The following RGS21 variants were observed in gnomAD, a reference collection of about 807,000 sequenced individuals.
RGS21 encodes the protein regulator of G-protein signalling 21.
In RGS21, 19 loss-of-function variants were observed where a neutral mutation model predicts 18.7. The ratio of observed to expected loss-of-function variants is 1.01; its 90% CI spans 0.71 to 1.49. The LOEUF is 1.49. Among genes scored for constraint, RGS21 ranks in the 40% most tolerant of loss-of-function variants. The pLI, the probability that RGS21 is intolerant of heterozygous loss-of-function variation, is 0.00. For missense variants in RGS21, 194 were observed against 176.8 expected, an observed-to-expected ratio of 1.10 and a Z score of -0.55; for synonymous variants, 56 against 57.8, an observed-to-expected ratio of 0.97 and a Z score of 0.14.
intron 4 of RGS21, among the ~76,000 whole-genome samples, chr1:192,360,351 T>G (rs553223784): frequency 6.6e-6 from 1 of 152,140 alleles, no homozygotes; most frequent in Admixed American, 6.6e-5. Context: ...TCTCTTTCTT[T>G]AGACTATTTC....
chr1:192,331,408 G>A (rs1042798920), intron 1 of RGS21, among the ~76,000 whole-genome samples: 12 of 151,890 alleles, frequency 7.9e-5, no homozygotes, highest in African/African-American at 1.2e-4. Flanking sequence ...AAAAATTAGC[G>A]TGGTGGCAGG....
At chr1:192,324,350 C>T (rs149882498) in intron 1 of RGS21, among the ~76,000 whole-genome samples, 269 of 152,034 alleles carry the variant, frequency 1.8e-3, no homozygotes, top group African/African-American at 6.2e-3. Context: ...ATAATTTTTC[C>T]TTGTTTAGAT....
At position 192,352,095 on chromosome 1, in the gene RGS21, A is replaced by G; in HGVS notation, c.137A>G (p.Glu46Gly). Residue 46 changes from glutamate to glycine, a missense_variant, in exon 4 of 5, where the codon GAA (glutamate) becomes GGA (glycine). Physicochemically the swap from Glu to Gly is moderately conservative, Grantham distance 98 (BLOSUM62 -2). Transcript: ENST00000417209. ...RIFLKSEFSE[E>G]NVEFWLACED... ...TTTCTAAAATCAGAGTTTAGTGAAG[A>G]AAATGTTGAGTTCTGGCTTGCCTGT... The G allele has an allele frequency of 1.2e-6, 2 of 1,605,684 alleles. No individual in the cohort carries two copies. The highest frequency in any genetic ancestry group is 1.7e-6 in the Non-Finnish European group (2 of 1,177,100).
At position 192,366,737 on chromosome 1, in the gene RGS21, A is replaced by G. The variant is rs1214307523; in HGVS notation, c.*613A>G. 6.6e-6 allele frequency: 1 copy of G among 152,092 alleles called. No homozygotes were observed. Among genetic ancestry groups the G allele is most frequent in the Non-Finnish European group, 1.5e-5 (1 of 67,966 alleles). The allele number at this position is 152,092 out of a possible 1,614,324, so 9.4% of individuals were successfully genotyped here. On this transcript the variant is annotated 3_prime_UTR_variant, in exon 5 of 5. Coordinates refer to ENST00000417209, the MANE Select transcript of RGS21 (RefSeq NM_001039152.3). The stretch of plus-strand genomic sequence containing the variant: ...ATATCACTTGGCTCAATTCAATGGC[A>G]TCACATATAAAATGTGATGAGTTAT...
rs767214966 is a variant in RGS21 at position 192,354,196 on chromosome 1, T to G, written c.255+1983T>G. Among the ~76,000 whole-genome samples, 101 of 151,534 alleles carry G rather than the reference T, an allele frequency of 6.7e-4. 3 individuals are homozygous for G. The highest frequency in any genetic ancestry group is 3.3e-4 in the Admixed American group (5 of 15,134). On this transcript the variant is annotated intron_variant, in intron 4 of 4. Transcript: ENST00000417209. ...CTGTTCCCACAGTGAAATTACCGAG[T>G]GAAAGAAGAGACTGACACATAATAA...
intron 4 of RGS21, among the ~76,000 whole-genome samples, chr1:192,365,275 C>T (rs1350142907): frequency 6.6e-6 from 1 of 151,984 alleles, no homozygotes; most frequent in Non-Finnish European, 1.5e-5. Flanking sequence ...AGGTTTGGAG[C>T]ATTTTACATA....
chr1:192,352,052 C>T lies in RGS21; in HGVS notation c.94C>T (p.Leu32=), dbSNP rs761297303. The T allele has an allele frequency of 1.9e-6, 3 of 1,589,080 alleles. No homozygotes were observed. The highest frequency in any genetic ancestry group is 2.6e-6 in the Non-Finnish European group (3 of 1,168,236). The change falls in exon 4 of 5, where the codon CTA becomes TTA. Residue 32 remains leucine (L), a synonymous_variant. Coordinates refer to ENST00000417209, the MANE Select transcript of RGS21 (RefSeq NM_001039152.3). ...TTTTCTCATATATTTTATAGCTGGT[C>T]TAGATGCTTTTCGAATATTTCTAAA... The part of the protein sequence containing the change: ...MDTLLANQAG[L]DAFRIFLKSE...
At chr1:192,346,379 C>T (rs963893974) in intron 2 of RGS21, among the ~76,000 whole-genome samples, 9 of 152,084 alleles carry the variant, frequency 5.9e-5, no homozygotes, top group South Asian at 2.1e-4. Flanking sequence ...ATAAGAATTG[C>T]GATATATGAG....
intron 2 of RGS21, 123 bp downstream of exon 2, chr1:192,343,170 T>C (rs1658897334): frequency 1.0e-6 from 1 of 958,448 alleles, no homozygotes; most frequent in Non-Finnish European, 1.7e-6. Context: ...GTTGTCTTCC[T>C]GATTTTTTCT....
chr1:192,336,370 G>A (rs1376262512), intron 1 of RGS21, among the ~76,000 whole-genome samples: 2 of 152,128 alleles, frequency 1.3e-5, no homozygotes, highest in Non-Finnish European at 2.9e-5. Flanking sequence ...CCGGAGAATC[G>A]CTTGAACCAA....
intron 1 of RGS21, among the ~76,000 whole-genome samples, chr1:192,325,235 G>T (rs930224412): frequency 6.6e-6 from 1 of 151,962 alleles, no homozygotes; most frequent in African/African-American, 2.4e-5. Context: ...TTGGCTTTCC[G>T]TCTCTGAATT....
intron 1 of RGS21, 25 bp from the exon 2 acceptor site, chr1:192,342,952 G>C (rs1658893097): frequency 7.3e-7 from 1 of 1,365,918 alleles, no homozygotes; most frequent in Non-Finnish European, 1.0e-6. Flanking sequence ...TAATTGTAAT[G>C]TTCCTGCTGT....
intron 1 of RGS21, among the ~76,000 whole-genome samples, chr1:192,318,241 C>T (rs1658446866): frequency 6.6e-6 from 1 of 152,042 alleles, no homozygotes; most frequent in Admixed American, 6.6e-5. Flanking sequence ...TAAGGGGACA[C>T]TATAATTTTC....
chr1:192,325,045 T>C lies in RGS21; in HGVS notation c.-61+7940T>C, dbSNP rs921092333. 5.6e-4 allele frequency among the ~76,000 whole-genome samples: 85 copies of C among 152,090 alleles called. 1 individual carries two copies. The highest frequency in any genetic ancestry group is 2.0e-3 in the African/African-American group (83 of 41,442). ...AGGATGATCTGGCTTGAATATCTTA[T>C]TTTAGTTTTGTTTTTCAACTTTTAT... On this transcript the variant is annotated intron_variant, in intron 1 of 4. Transcript: ENST00000417209.
intron 4 of RGS21, among the ~76,000 whole-genome samples, chr1:192,365,580 A>G (rs1017133005): frequency 6.6e-5 from 10 of 152,278 alleles, no homozygotes; most frequent in African/African-American, 2.4e-4. Flanking sequence ...GGAAAATTAC[A>G]TTTTAAGTAC....
chr1:192,341,355 A>G (rs1340295442), intron 1 of RGS21, among the ~76,000 whole-genome samples: 1 of 152,062 alleles, frequency 6.6e-6, no homozygotes, highest in African/African-American at 2.4e-5. Flanking sequence ...TACTTAGCTT[A>G]TTACACTGTG....
At chr1:192,333,251 A>G (rs896206582) in intron 1 of RGS21, among the ~76,000 whole-genome samples, 1 of 145,070 alleles carries the variant, frequency 6.9e-6, no homozygotes, top group African/African-American at 2.6e-5. Flanking sequence ...TCTGAAAATA[A>G]TTTGGCAGTT....
chr1:192,360,327 A>T (rs187604391), intron 4 of RGS21, among the ~76,000 whole-genome samples: 1 of 152,082 alleles, frequency 6.6e-6, no homozygotes, highest in Non-Finnish European at 1.5e-5. Context: ...TCAATCCATC[A>T]GCATTTTCTG....
At position 192,336,410 on chromosome 1, in the gene RGS21, G is replaced by T. The variant is rs570837974; in HGVS notation, c.-60-6567G>T. ...GCGCAGGTTGCAGTGAGCTGAGATC[G>T]TGCTATTGCACTCAGCATGGGCAAC... is the stretch of plus-strand genomic sequence containing the variant. On this transcript the variant is annotated intron_variant, in intron 1 of 4. Coordinates refer to ENST00000417209, the MANE Select transcript of RGS21 (RefSeq NM_001039152.3). Among the ~76,000 whole-genome samples, 4 of 152,092 alleles carry T rather than the reference G, an allele frequency of 2.6e-5. No individual in the cohort carries two copies. The South Asian group carries it at 8.3e-4, about 32-fold the overall frequency.
Sources: allele counts gnomAD v4.1 joint callset (sites outside exome capture counted in the v4.1 genomes callset), GRCh38; gene constraint gnomAD v4.1.1; transcripts MANE v1.5; gene names NCBI Gene and HGNC (gene_info 2026-07-23, HGNC 2026-07-21).